The following CDH13 variants were observed in gnomAD, a reference collection of about 807,000 sequenced individuals.
CDH13 encodes the protein cadherin-13.
In CDH13, 24 loss-of-function variants were observed where a neutral mutation model predicts 63.8. The observed-to-expected ratio is 0.38, with a 90% CI of 0.27 to 0.53. CDH13 has a LOEUF of 0.53. CDH13 is among the 20% of genes least tolerant of loss of function. CDH13 has a pLI of 0.85. For missense variants in CDH13, 1,049 were observed against 903.1 expected, an observed-to-expected ratio of 1.16 and a Z score of -2.07; for synonymous variants, 503 against 355.3, an observed-to-expected ratio of 1.42 and a Z score of -4.67.
intron 2 of CDH13, among the ~76,000 whole-genome samples, chr16:82,917,325 T>G (rs2042021410): frequency 6.6e-6 from 1 of 152,056 alleles, no homozygotes; most frequent in African/African-American, 2.4e-5. Context: ...TGCCCTAGTT[T>G]TGGGGAAAGA....
chr16:82,642,143 C>T (rs555757061), intron 1 of CDH13, among the ~76,000 whole-genome samples: 8 of 148,144 alleles, frequency 5.4e-5, no homozygotes, highest in African/African-American at 1.7e-4. Context: ...GTTCACTAGT[C>T]GGGGCCCACT....
chr16:83,187,776 A>G (rs1444137046), intron 4 of CDH13, among the ~76,000 whole-genome samples: 1 of 152,122 alleles, frequency 6.6e-6, no homozygotes, highest in Admixed American at 6.5e-5. Context: ...TGACAAATCA[A>G]AAGTTAATAA....
At position 82,708,911 on chromosome 16, in the gene CDH13, G is replaced by C. The variant is rs533524683; in HGVS notation, c.45+81774G>C. Among the ~76,000 whole-genome samples, 107 of 152,290 alleles carry C rather than the reference G, an allele frequency of 7.0e-4. 1 individual carries two copies. The highest frequency in any genetic ancestry group is 2.4e-3 in the African/African-American group (100 of 41,558). On this transcript the variant is annotated intron_variant, in intron 1 of 13. Transcript: ENST00000567109. ...GGGCTCTCTTATAAATTGATAACTT[G>C]TTTCTCAGTCTTTTATACATTTGGC...
chr16:83,328,358 A>AT (rs2090413569), intron 5 of CDH13, among the ~76,000 whole-genome samples: 1 of 152,216 alleles, frequency 6.6e-6, no homozygotes, highest in Non-Finnish European at 1.5e-5. Flanking sequence ...CCAAGAAGGA[A>AT]TATGTGGCTG....
At chr16:83,504,453 C>T (rs1349058050) in intron 7 of CDH13, among the ~76,000 whole-genome samples, 2 of 152,238 alleles carry the variant, frequency 1.3e-5, no homozygotes, top group Non-Finnish European at 2.9e-5. Context: ...AGACACTCAG[C>T]CTGTCCAGTG....
chr16:83,557,732 C>T (rs975624230), intron 7 of CDH13, among the ~76,000 whole-genome samples: 4 of 152,038 alleles, frequency 2.6e-5, no homozygotes, highest in Non-Finnish European at 5.9e-5. Context: ...AGTACTGTTA[C>T]TTGGTTGGTA....
chr16:83,049,443 T>C (rs1268887727), intron 3 of CDH13, among the ~76,000 whole-genome samples: 2 of 150,876 alleles, frequency 1.3e-5, no homozygotes, highest in Admixed American at 1.3e-4. Context: ...CAGGCCATTC[T>C]CCTGCCTCAT....
chr16:83,509,106 C>A (rs751798949), intron 7 of CDH13, among the ~76,000 whole-genome samples: 13 of 152,222 alleles, frequency 8.5e-5, no homozygotes, highest in Admixed American at 2.0e-4. Context: ...CAACCCCCTT[C>A]TTCCCCAGCC....
chr16:83,521,233 G>C (rs8057234), intron 7 of CDH13, among the ~76,000 whole-genome samples: 1 of 151,940 alleles, frequency 6.6e-6, no homozygotes. Flanking sequence ...CATCCTCTTA[G>C]GTTTCTTCCA....
At chr16:83,127,442 G>C (rs2035861678) in intron 4 of CDH13, among the ~76,000 whole-genome samples, 1 of 152,134 alleles carries the variant, frequency 6.6e-6, no homozygotes, top group African/African-American at 2.4e-5. Context: ...ATTGAAAATT[G>C]ATCTTGGACG....
chr16:82,903,487 G>A (rs895161057), intron 2 of CDH13, among the ~76,000 whole-genome samples: 4 of 152,122 alleles, frequency 2.6e-5, no homozygotes, highest in African/African-American at 9.7e-5. Context: ...TTCCCACCTA[G>A]TTTTTTCCTA....
intron 3 of CDH13, among the ~76,000 whole-genome samples, chr16:83,111,896 C>A (rs1222702501): frequency 6.6e-6 from 1 of 152,152 alleles, no homozygotes; most frequent in African/African-American, 2.4e-5. Context: ...GTCTTGTTTT[C>A]CTGGATCTCA....
Position 82,768,021 on chromosome 16 carries a change from C to T in CDH13, c.46-90341C>T, listed in dbSNP as rs148421773. 2.0e-3 allele frequency among the ~76,000 whole-genome samples: 310 copies of T among 151,968 alleles called. 1 individual carries two copies. The highest frequency in any genetic ancestry group is 6.4e-3 in the African/African-American group (266 of 41,430). The stretch of plus-strand genomic sequence containing the variant: ...AAGGGGACCATCCCTGAGTCATGGG[C>T]GTGCCTTGGGTTGAGGCTAAAGGTT... On this transcript the variant is annotated intron_variant, in intron 1 of 13. Transcript: ENST00000567109.
At chr16:82,935,896 C>T (rs1012258048) in intron 2 of CDH13, among the ~76,000 whole-genome samples, 3 of 152,060 alleles carry the variant, frequency 2.0e-5, no homozygotes, top group African/African-American at 7.2e-5. Context: ...AGGAAGTGGT[C>T]TTGGAGCAGA....
At chr16:83,643,884 C>G (rs1387739358) in intron 8 of CDH13, among the ~76,000 whole-genome samples, 1 of 152,226 alleles carries the variant, frequency 6.6e-6, no homozygotes, top group East Asian at 1.9e-4. Context: ...AGCCACCTAC[C>G]CACGCTTTAC....
intron 6 of CDH13, among the ~76,000 whole-genome samples, chr16:83,436,001 C>T (rs2072289907): frequency 6.6e-6 from 1 of 152,146 alleles, no homozygotes; most frequent in Non-Finnish European, 1.5e-5. Flanking sequence ...ATACATTTGA[C>T]AATGTCTGGA....
chr16:83,464,974 A>G (rs1419041643), intron 6 of CDH13, among the ~76,000 whole-genome samples: 2 of 152,204 alleles, frequency 1.3e-5, no homozygotes, highest in African/African-American at 4.8e-5. Flanking sequence ...GCAGGATATC[A>G]AGTCTGGGAA....
intron 11 of CDH13, among the ~76,000 whole-genome samples, chr16:83,775,834 T>C (rs1475078393): frequency 6.6e-6 from 1 of 152,118 alleles, no homozygotes; most frequent in Non-Finnish European, 1.5e-5. Flanking sequence ...AGTGGTTCCA[T>C]GGTGGTGGAG....
intron 3 of CDH13, among the ~76,000 whole-genome samples, chr16:83,115,498 A>T (rs2035249719): frequency 6.6e-6 from 1 of 152,224 alleles, no homozygotes; most frequent in Non-Finnish European, 1.5e-5. Context: ...CCAAAGGAAT[A>T]ACCCTCAGGT....
Sources: gnomAD v4.1 joint callset for allele counts (sites outside exome capture counted in the v4.1 genomes callset) on GRCh38, gnomAD v4.1.1 for gene constraint, MANE v1.5 for transcripts, NCBI Gene and HGNC (gene_info 2026-07-23, HGNC 2026-07-21) for gene names.